AFDN: variants seen among roughly 807,000 people sequenced by gnomAD.
The protein encoded by AFDN is afadin.
AFDN carries 68 observed loss-of-function variants against 216.6 expected under a neutral mutation model. The ratio of observed to expected loss-of-function variants is 0.31; its 90% CI spans 0.26 to 0.38. AFDN has a LOEUF of 0.38. Among genes scored for constraint, AFDN ranks in the 10% least tolerant of loss-of-function variants. The probability of loss-of-function intolerance (pLI) is 1.00; values close to 1 mark genes in which losing one functional copy is unlikely to be tolerated. For missense variants in AFDN, 2,136 were observed against 2,342.0 expected, an observed-to-expected ratio of 0.91 and a Z score of 1.82; for synonymous variants, 868 against 853.7, an observed-to-expected ratio of 1.02 and a Z score of -0.29.
chr6:167,914,224 T>G lies in AFDN; in HGVS notation c.2115T>G (p.Leu705=), dbSNP rs1790764698. 1 of 1,614,208 alleles carries G rather than the reference T, an allele frequency of 6.2e-7. No individual in the cohort carries two copies. ...LAFWMANASE[L]LNFIKQDRDL... is the part of the protein sequence containing the mutation. ...TCTGGATGGCAAATGCATCTGAACT[T>G]CTCAACTTCATTAAGCAAGACCGAG... The change falls in exon 17 of 34, where the codon CTT becomes CTG. Residue 705 remains leucine (L), a synonymous_variant. Coordinates refer to ENST00000683244, the MANE Select transcript of AFDN (RefSeq NM_001386888.1).
At chr6:167,946,578 G>T in intron 26 of AFDN, 129 bp from the exon 27 acceptor site, 1 of 664,156 alleles carries the variant, frequency 1.5e-6, no homozygotes, top group Non-Finnish European at 2.3e-6. Context: ...GCTGTTTTAT[G>T]ATTCTGTAGG....
chr6:167,930,029 C>T (rs1224780858), intron 23 of AFDN, among the ~76,000 whole-genome samples: 1 of 151,980 alleles, frequency 6.6e-6, no homozygotes, highest in African/African-American at 2.4e-5. Context: ...CAAGGTGAGA[C>T]CCCATTTCTA....
intron 30 of AFDN, among the ~76,000 whole-genome samples, chr6:167,959,897 A>G (rs966435197): frequency 7.9e-5 from 12 of 152,114 alleles, no homozygotes; most frequent in Non-Finnish European, 1.5e-4. Context: ...TCTATTCTGC[A>G]CTCTCCTCAA....
chr6:167,867,189 T>TACCATTAAC (rs1398458077), intron 2 of AFDN, among the ~76,000 whole-genome samples: 29 of 152,308 alleles, frequency 1.9e-4, no homozygotes, highest in Middle Eastern at 3.4e-3. Flanking sequence ...TTGTTAATGG[T>TACCATTAAC]AGTTCTCTAA....
At chr6:167,959,578 G>A (rs887698837) in intron 30 of AFDN, among the ~76,000 whole-genome samples, 3 of 152,122 alleles carry the variant, frequency 2.0e-5, no homozygotes, top group Non-Finnish European at 4.4e-5. Flanking sequence ...CTTTTTAAGG[G>A]CTTTAACAGA....
chr6:167,844,971 C>T (rs150154734), intron 1 of AFDN, among the ~76,000 whole-genome samples: 1,800 of 151,188 alleles, frequency 0.012, 81 homozygotes, highest in East Asian at 0.11. Context: ...ATGATTCTCA[C>T]GTCTCAGCCT....
rs758854551 is a variant in AFDN at position 167,902,400 on chromosome 6, G to A, written c.1650+14G>A. 6.3e-7 allele frequency: 1 copy of A among 1,578,972 alleles called. No homozygotes were observed. Among genetic ancestry groups the A allele is most frequent in the East Asian group, 2.2e-5 (1 of 44,544 alleles). On this transcript the variant is annotated intron_variant, in intron 12 of 33. Transcript: ENST00000683244. ...CCGACAAGCAAGGTAGGTAATTATG[G>A]ATTACCTGATAGAAGTGTGCTTGCT...
At chr6:167,843,189 T>C (rs1369608233) in intron 1 of AFDN, among the ~76,000 whole-genome samples, 1 of 152,216 alleles carries the variant, frequency 6.6e-6, no homozygotes, top group Non-Finnish European at 1.5e-5. Flanking sequence ...TTGATTGGTC[T>C]CTTTGCTTCT....
intron 1 of AFDN, among the ~76,000 whole-genome samples, chr6:167,841,093 A>T (rs1288578163): frequency 6.6e-6 from 1 of 152,202 alleles, no homozygotes; most frequent in Non-Finnish European, 1.5e-5. Flanking sequence ...GAATTTGGAG[A>T]CTGACGAGGA....
intron 13 of AFDN, among the ~76,000 whole-genome samples, chr6:167,908,182 G>A (rs1399825624): frequency 6.6e-6 from 1 of 152,246 alleles, no homozygotes; most frequent in Non-Finnish European, 1.5e-5. Flanking sequence ...GAGGCAGTTA[G>A]ATGAGGCAGG....
At chr6:167,969,420 G>T (rs1418821442) in intron 33 of AFDN, among the ~76,000 whole-genome samples, 1 of 152,028 alleles carries the variant, frequency 6.6e-6, no homozygotes, top group African/African-American at 2.4e-5. Context: ...ATTAAATTTG[G>T]CATATTTATA....
At chr6:167,855,003 G>A (rs1782735688) in intron 1 of AFDN, among the ~76,000 whole-genome samples, 1 of 151,544 alleles carries the variant, frequency 6.6e-6, no homozygotes, top group Admixed American at 6.6e-5. Context: ...ATAAGCAAAA[G>A]GTTTTGTTAA....
chr6:167,957,137 C>A (rs1027516912), intron 30 of AFDN, among the ~76,000 whole-genome samples: 1 of 152,058 alleles, frequency 6.6e-6, no homozygotes, highest in African/African-American at 2.4e-5. Flanking sequence ...TTGGCACATG[C>A]AGGTGTCTCT....
At chr6:167,944,126 C>CA (rs1447897961) in intron 26 of AFDN, 67 bp downstream of exon 26, 1 of 1,240,756 alleles carries the variant, frequency 8.1e-7, no homozygotes, top group Non-Finnish European at 1.2e-6. Flanking sequence ...ACAAAACCCC[C>CA]ATGGAGGAGG....
chr6:167,898,270 G>C lies in AFDN; in HGVS notation c.1383G>C (p.Val461=). Residue 461 remains valine (V), a synonymous_variant, in exon 11 of 34, where the codon GTG becomes GTC. Transcript: ENST00000683244. ...CCAACATGGATGGAGTGGTCACTGT[G>C]ACGCCCAGAAGTATGGACGCAGAAA... ...DLTNMDGVVT[V]TPRSMDAETY... is the part of the protein sequence containing the mutation. The C allele has an allele frequency of 1.2e-6, 2 of 1,614,138 alleles. No individual in the cohort carries two copies. Among genetic ancestry groups the C allele is most frequent in the Non-Finnish European group, 1.7e-6 (2 of 1,180,014 alleles).
At chr6:167,921,916 G>A (rs532025939) in intron 21 of AFDN, among the ~76,000 whole-genome samples, 4 of 152,084 alleles carry the variant, frequency 2.6e-5, no homozygotes, top group South Asian at 2.1e-4. Flanking sequence ...CACAAATAAC[G>A]GTCAGAATTT....
intron 13 of AFDN, among the ~76,000 whole-genome samples, chr6:167,910,304 A>G (rs1172680746): frequency 6.6e-6 from 1 of 152,216 alleles, no homozygotes; most frequent in African/African-American, 2.4e-5. Context: ...TGCCCTGCCA[A>G]TGGGTGATGA....
intron 9 of AFDN, among the ~76,000 whole-genome samples, chr6:167,894,404 A>G (rs1267827158): frequency 6.6e-6 from 1 of 152,152 alleles, no homozygotes; most frequent in African/African-American, 2.4e-5. Flanking sequence ...GCAGAAATTG[A>G]CTATTTGTAG....
At chr6:167,927,498 CATG>C (rs1426372449) in intron 23 of AFDN, among the ~76,000 whole-genome samples, 2 of 152,156 alleles carry the variant, frequency 1.3e-5, no homozygotes, top group Non-Finnish European at 2.9e-5. Context: ...AAAAGAGGAA[CATG>C]ATGAAACTGA....
Sources: gnomAD v4.1 joint callset for allele counts (sites outside exome capture counted in the v4.1 genomes callset) on GRCh38, gnomAD v4.1.1 for gene constraint, MANE v1.5 for transcripts, NCBI Gene and HGNC (gene_info 2026-07-23, HGNC 2026-07-21) for gene names.